CENPI: variants seen among roughly 807,000 people sequenced by gnomAD.
CENPI encodes centromere protein I.
Under a neutral mutation model 60.4 loss-of-function variants are expected in CENPI, and 4 were observed. That is an observed-to-expected ratio of 0.07 (90% confidence interval 0.03 to 0.15). CENPI has a LOEUF of 0.15. Among genes scored for constraint, CENPI ranks in the 10% least tolerant of loss-of-function variants. The pLI, the probability that CENPI is intolerant of heterozygous loss-of-function variation, is 1.00. For missense variants in CENPI, 444 were observed against 534.5 expected (o/e 0.83, Z 1.67); for synonymous variants, 157 against 189.4 (o/e 0.83, Z 1.40).
At chrX:101,158,381 GATTC>G (rs1478935401) in intron 20 of CENPI, among the ~76,000 whole-genome samples, 1 of 104,544 alleles carries the variant, frequency 9.6e-6, no homozygotes, top group Non-Finnish European at 1.9e-5. Context: ...GGGTTCAAGC[GATTC>G]TCCTGTTTCA....
intron 20 of CENPI, among the ~76,000 whole-genome samples, chrX:101,149,357 C>T (rs2089988045): frequency 9.0e-6 from 1 of 111,369 alleles, no homozygotes; most frequent in Non-Finnish European, 1.9e-5. Context: ...ATTTACAAAA[C>T]AGGTGTTGAG....
intron 3 of CENPI, among the ~76,000 whole-genome samples, chrX:101,101,742 C>T (rs1296348217): frequency 8.9e-6 from 1 of 111,880 alleles, no homozygotes; most frequent in Non-Finnish European, 1.9e-5. Context: ...AGGTTGTAGT[C>T]TAAGTTCAGT....
intron 9 of CENPI, 48 bp from the exon 10 acceptor site, chrX:101,127,090 T>C: frequency 9.7e-7 from 1 of 1,034,874 alleles, no homozygotes. Context: ...TTATGTTGCT[T>C]CAGTTTATGG....
At chrX:101,158,511 A>C (rs1284069369) in intron 20 of CENPI, among the ~76,000 whole-genome samples, 1 of 110,377 alleles carries the variant, frequency 9.1e-6, no homozygotes, top group Non-Finnish European at 1.9e-5. Flanking sequence ...TCCTGACCAC[A>C]GGTGACCCAC....
At chrX:101,170,445 G>A (rs2090154178), downstream of CENPI, among the ~76,000 whole-genome samples, 1 of 111,524 alleles carries the variant, frequency 9.0e-6, no homozygotes, top group South Asian at 3.8e-4. Context: ...ATGACAAACT[G>A]GGACTTATCC....
At chrX:101,171,508 C>T in the CENPI span, among the ~76,000 whole-genome samples, 1 of 111,728 alleles carries the variant, frequency 9.0e-6, no homozygotes, top group Admixed American at 9.6e-5. Flanking sequence ...GCAAACACGG[C>T]TCATTGCAGC....
intron 6 of CENPI, among the ~76,000 whole-genome samples, chrX:101,114,756 C>T (rs994378689): frequency 3.6e-5 from 4 of 110,269 alleles, no homozygotes; most frequent in African/African-American, 1.3e-4. Flanking sequence ...TCTCCTGCCT[C>T]AGCCTCCTGA....
downstream of CENPI, among the ~76,000 whole-genome samples, chrX:101,170,831 C>T (rs776293713): frequency 8.7e-4 from 96 of 110,243 alleles, no homozygotes; most frequent in Non-Finnish European, 1.5e-3. Context: ...AGGGTTTTGC[C>T]GTGTTGCTCA....
chrX:101,111,031 A>T (rs1364801947), intron 6 of CENPI, among the ~76,000 whole-genome samples: 1 of 111,182 alleles, frequency 9.0e-6, no homozygotes, highest in African/African-American at 3.3e-5. Context: ...ACCTAATTAG[A>T]GGTGGTGTTA....
At position 101,155,546 on chromosome X, in the gene CENPI, A is replaced by G. The variant is rs142301024; in HGVS notation, c.2095-5982A>G. 4.6e-3 allele frequency among the ~76,000 whole-genome samples: 520 copies of G among 111,962 alleles called. 2 individuals carry two copies. Among genetic ancestry groups the G allele is most frequent in the African/African-American group, 0.016 (497 of 30,887 alleles). On this transcript the variant is annotated intron_variant, in intron 20 of 21. Coordinates refer to ENST00000682095, the MANE Select transcript of CENPI (RefSeq NM_001386188.2). Reference sequence around the variant, plus strand: ...GTTGTGAAACCATTTTTCTGCATCTATAAACATGGTTTTGTGGTTTTTGTC... The same window carrying G: ...GTTGTGAAACCATTTTTCTGCATCTGTAAACATGGTTTTGTGGTTTTTGTC...
At chrX:101,135,327 C>T (rs2089835521) in intron 15 of CENPI, among the ~76,000 whole-genome samples, 1 of 110,614 alleles carries the variant, frequency 9.0e-6, no homozygotes, top group Non-Finnish European at 1.9e-5. Context: ...GATGGCAGGA[C>T]ATGATGCAGA....
rs1039401032 is a variant in CENPI at position 101,111,936 on chromosome X, G to A, written c.591+1938G>A. Among the ~76,000 whole-genome samples the A allele has an allele frequency of 1.2e-4, 13 of 111,554 alleles. No individual in the cohort carries two copies. The Middle Eastern group carries it at 0.014, about 120-fold the overall frequency. ...AGTCCCAGCTACTCGGGAGGCTGAG[G>A]CAGGAGAATCACTTGAACCCAGTAG... On this transcript the variant is annotated intron_variant, in intron 6 of 21. Transcript: ENST00000682095.
chrX:101,099,506 C>T (rs906879553), intron 2 of CENPI, among the ~76,000 whole-genome samples: 3 of 109,738 alleles, frequency 2.7e-5, no homozygotes, highest in Non-Finnish European at 5.7e-5. Context: ...ATAGGTGTGA[C>T]CCACCTTGCC....
chrX:101,139,980 G>A (rs1049570615), intron 15 of CENPI, among the ~76,000 whole-genome samples: 4 of 109,834 alleles, frequency 3.6e-5, no homozygotes, highest in Admixed American at 9.7e-5. Flanking sequence ...GACTACAGGC[G>A]CCCGCCACCA....
intron 6 of CENPI, among the ~76,000 whole-genome samples, chrX:101,114,419 A>G (rs2089593407): frequency 1.8e-5 from 2 of 111,227 alleles, no homozygotes; most frequent in South Asian, 7.5e-4. Context: ...CATTTTCATC[A>G]CCTCAAAAAG....
At chrX:101,128,106 G>A (rs1451882182) in intron 11 of CENPI, among the ~76,000 whole-genome samples, 1 of 111,036 alleles carries the variant, frequency 9.0e-6, no homozygotes, top group Non-Finnish European at 1.9e-5. Flanking sequence ...ATGCTGAGGC[G>A]GGCAGATCAC....
chrX:101,148,118 A>G lies in CENPI; in HGVS notation c.2051A>G (p.His684Arg). Residue 684 changes from histidine (H) to arginine (R), a missense_variant, in exon 20 of 22, where the codon CAT (histidine) becomes CGT (arginine). His to Arg is a conservative substitution (Grantham distance 29). Coordinates refer to ENST00000682095, the MANE Select transcript of CENPI (RefSeq NM_001386188.2). ...TATAAAAACAGTTTAAATGTAGTCCATCATCCTTCTTTCTTGAGTTACGCT... is the reference window on the plus strand; with the variant it reads ...TATAAAAACAGTTTAAATGTAGTCCGTCATCCTTCTTTCTTGAGTTACGCT... ...AEYKNSLNVV[H>R]HPSFLSYAVS... 8.4e-7 allele frequency: 1 copy of G among 1,190,607 alleles called. No individual in the cohort carries two copies. Among genetic ancestry groups the G allele is most frequent in the Non-Finnish European group, 1.1e-6 (1 of 889,273 alleles).
chrX:101,129,132 G>A lies in CENPI; in HGVS notation c.1195+296G>A, dbSNP rs148528127. Reference sequence around the variant, plus strand: ...TCAGAAACTTGCTGTTAGGGCCCCAGAATCATCCTGTTAATGGTAACGAAA... The same window carrying A: ...TCAGAAACTTGCTGTTAGGGCCCCAAAATCATCCTGTTAATGGTAACGAAA... On this transcript the variant is annotated intron_variant, in intron 12 of 21. Transcript: ENST00000682095. Among the ~76,000 whole-genome samples the A allele has an allele frequency of 4.7e-3, 524 of 111,487 alleles. 2 individuals carry two copies. Among genetic ancestry groups the A allele is most frequent in the African/African-American group, 0.016 (502 of 30,681 alleles).
chrX:101,150,113 TTTC>T (rs1450038955), intron 20 of CENPI, among the ~76,000 whole-genome samples: 1 of 109,144 alleles, frequency 9.2e-6, no homozygotes, highest in African/African-American at 3.3e-5. Flanking sequence ...TTTTCTGATA[TTTC>T]TTGTCTTTTT....
Sources: gnomAD v4.1 joint callset for allele counts (sites outside exome capture counted in the v4.1 genomes callset) on GRCh38, gnomAD v4.1.1 for gene constraint, MANE v1.5 for transcripts, NCBI Gene and HGNC (gene_info 2026-07-23, HGNC 2026-07-21) for gene names.